CSGALNACT1: variants seen among roughly 807,000 people sequenced by gnomAD.
CSGALNACT1 encodes beta4GalNAcT-1.
In CSGALNACT1, 52 loss-of-function variants were observed where a neutral mutation model predicts 51.0. The observed-to-expected ratio is 1.02, with a 90% CI of 0.82 to 1.29. The LOEUF (loss-of-function observed/expected upper bound fraction) is 1.29, where lower values mean the gene tolerates loss of function less well. CSGALNACT1 is among the 50% of genes most tolerant of loss of function. CSGALNACT1 has a pLI of 0.00. For missense variants in CSGALNACT1, 935 were observed against 679.2 expected, an observed-to-expected ratio of 1.38 and a Z score of -4.19; for synonymous variants, 341 against 254.4, an observed-to-expected ratio of 1.34 and a Z score of -3.24.
chr8:19,580,622 C>T (rs190541861), intron 3 of CSGALNACT1, among the ~76,000 whole-genome samples: 3 of 152,166 alleles, frequency 2.0e-5, no homozygotes, highest in Non-Finnish European at 4.4e-5. Context: ...TGTTCACATA[C>T]AGTATCAGGC....
intron 5 of CSGALNACT1, among the ~76,000 whole-genome samples, chr8:19,450,056 G>A (rs1217305380): frequency 4.5e-5 from 5 of 110,020 alleles, no homozygotes; most frequent in Non-Finnish European, 1.8e-5. Flanking sequence ...TGGGGTGGAA[G>A]AAGAAAGAAG....
intron 1 of CSGALNACT1, among the ~76,000 whole-genome samples, chr8:19,632,792 G>A (rs2055465303): frequency 6.6e-6 from 1 of 152,064 alleles, no homozygotes; most frequent in Non-Finnish European, 1.5e-5. Context: ...ATCACACTCT[G>A]TCATCCAGGC....
In CSGALNACT1 at chr8:19,420,362, C is replaced by A. The variant is rs141736551; in HGVS notation, c.1110G>T (p.Thr370=). The A allele has an allele frequency of 3.1e-6, 5 of 1,614,150 alleles. No individual in the cohort carries two copies. In the Admixed American group the frequency reaches 5.0e-5, roughly 16 times the overall value. ...TACCTGGCTGTGTATTCAGCCTACA[C>A]GTATTGAGGAATTCAGATGTGAAGT... The change falls in exon 7 of 10, where the codon ACG becomes ACT. Residue 370 remains threonine (T), a synonymous_variant. Transcript: ENST00000454498.
At chr8:19,730,141 G>T (rs2063611644) in intron 1 of CSGALNACT1, among the ~76,000 whole-genome samples, 1 of 152,194 alleles carries the variant, frequency 6.6e-6, no homozygotes, top group Non-Finnish European at 1.5e-5. Flanking sequence ...CTGAGTTACA[G>T]AAAAGCAGAA....
intron 1 of CSGALNACT1, among the ~76,000 whole-genome samples, chr8:19,613,768 T>G (rs1436175044): frequency 6.6e-6 from 1 of 152,214 alleles, no homozygotes; most frequent in Non-Finnish European, 1.5e-5. Context: ...ATTAGCAACT[T>G]GCAATGTCAC....
At chr8:19,673,258 A>G (rs1482333891) in intron 1 of CSGALNACT1, among the ~76,000 whole-genome samples, 2 of 152,238 alleles carry the variant, frequency 1.3e-5, no homozygotes, top group African/African-American at 4.8e-5. Flanking sequence ...AGGTTTGAGT[A>G]TTGGTGCTAC....
intron 5 of CSGALNACT1, among the ~76,000 whole-genome samples, chr8:19,440,519 C>T (rs1473703684): frequency 2.0e-5 from 3 of 151,614 alleles, no homozygotes; most frequent in Non-Finnish European, 2.9e-5. Context: ...ATTCAACAAC[C>T]CTTCATGCTA....
At chr8:19,591,150 C>A (rs1189307170) in intron 3 of CSGALNACT1, 1 of 152,268 alleles carries the variant, frequency 6.6e-6, no homozygotes, top group Non-Finnish European at 1.5e-5. Flanking sequence ...AGATCAGGAC[C>A]TGGACCCACC....
exon 4 of CSGALNACT1, chr8:19,505,237 T>G: frequency 6.2e-7 from 1 of 1,614,090 alleles, no homozygotes; most frequent in Middle Eastern, 1.6e-4. Context: ...GGACGGTGAT[T>G]GGGGCTGTTC....
At chr8:19,594,437 A>C (rs1285307404) in intron 2 of CSGALNACT1, among the ~76,000 whole-genome samples, 1 of 152,174 alleles carries the variant, frequency 6.6e-6, no homozygotes, top group Admixed American at 6.5e-5. Flanking sequence ...ACGAACAATA[A>C]CATTGAGACT....
At chr8:19,589,371 G>A (rs1039508649) in intron 3 of CSGALNACT1, among the ~76,000 whole-genome samples, 3 of 152,106 alleles carry the variant, frequency 2.0e-5, no homozygotes, top group Non-Finnish European at 4.4e-5. Context: ...TGTCACCCAG[G>A]CTGGAGTGCA....
chr8:19,666,938 AG>A (rs1440130275), intron 1 of CSGALNACT1, among the ~76,000 whole-genome samples: 8 of 129,676 alleles, frequency 6.2e-5, no homozygotes, highest in African/African-American at 8.7e-5. Flanking sequence ...ACAGAGAGAG[AG>A]AGAAAAAGAA....
intron 5 of CSGALNACT1, among the ~76,000 whole-genome samples, chr8:19,449,163 T>C (rs931787882): frequency 2.0e-5 from 3 of 152,208 alleles, no homozygotes; most frequent in Non-Finnish European, 2.9e-5. Context: ...TCATTTTCCA[T>C]TTGGTCATTT....
chr8:19,463,469 T>C (rs2065990470), intron 4 of CSGALNACT1, among the ~76,000 whole-genome samples: 1 of 151,988 alleles, frequency 6.6e-6, no homozygotes, highest in African/African-American at 2.4e-5. Flanking sequence ...GAGCTCTTTA[T>C]TGGTGGAAAC....
chr8:19,729,220 A>T (rs2063559305), intron 1 of CSGALNACT1, among the ~76,000 whole-genome samples: 1 of 152,160 alleles, frequency 6.6e-6, no homozygotes, highest in Non-Finnish European at 1.5e-5. Flanking sequence ...ACATTAAACC[A>T]AAGGAATTAA....
chr8:19,692,592 GACTA>G (rs1225061383), intron 1 of CSGALNACT1, among the ~76,000 whole-genome samples: 1 of 152,170 alleles, frequency 6.6e-6, no homozygotes, highest in African/African-American at 2.4e-5. Flanking sequence ...AAATGTATGT[GACTA>G]ACTCACATGG....
At chr8:19,674,134 G>A (rs535586198) in intron 1 of CSGALNACT1, among the ~76,000 whole-genome samples, 16 of 152,172 alleles carry the variant, frequency 1.1e-4, no homozygotes, top group African/African-American at 3.9e-4. Flanking sequence ...CTAAAAATAC[G>A]AAAAAAGAAT....
intron 3 of CSGALNACT1, among the ~76,000 whole-genome samples, chr8:19,550,718 C>T (rs2087812784): frequency 1.3e-5 from 2 of 152,074 alleles, no homozygotes; most frequent in South Asian, 4.1e-4. Flanking sequence ...GGGGCAGGGG[C>T]CTTCAAATGT....
At chr8:19,556,641 T>C (rs2039503786) in intron 3 of CSGALNACT1, among the ~76,000 whole-genome samples, 1 of 152,260 alleles carries the variant, frequency 6.6e-6, no homozygotes. Context: ...CTGTTCTGTA[T>C]GCAAGCTTCT....
Sources: allele counts gnomAD v4.1 joint callset (sites outside exome capture counted in the v4.1 genomes callset), GRCh38; gene constraint gnomAD v4.1.1; transcripts MANE v1.5; gene names NCBI Gene and HGNC (gene_info 2026-07-23, HGNC 2026-07-21).